The following PLEKHA5 variants were observed in gnomAD, a reference collection of about 807,000 sequenced individuals.
The protein encoded by PLEKHA5 is pleckstrin homology domain-containing family A member 5.
Under a neutral mutation model 181.9 loss-of-function variants are expected in PLEKHA5, and 55 were observed. The ratio of observed to expected loss-of-function variants is 0.30; its 90% CI spans 0.24 to 0.38. The LOEUF is 0.38. PLEKHA5 is among the 10% of genes least tolerant of loss of function. The pLI, the probability that PLEKHA5 is intolerant of heterozygous loss-of-function variation, is 1.00. For synonymous variants in PLEKHA5, 535 were observed against 529.4 expected, an observed-to-expected ratio of 1.01 and a Z score of -0.15; for missense variants, 1,432 against 1,549.5, an observed-to-expected ratio of 0.92 and a Z score of 1.27.
intron 3 of PLEKHA5, among the ~76,000 whole-genome samples, chr12:19,230,632 A>G (rs546176437): frequency 2.0e-5 from 3 of 152,282 alleles, no homozygotes; most frequent in South Asian, 2.1e-4. Context: ...GGGGCCAGCA[A>G]TGCCGGCCGG....
chr12:19,229,645 A>G (rs12303352), intron 3 of PLEKHA5, among the ~76,000 whole-genome samples: 7,652 of 152,238 alleles, frequency 0.05, 369 homozygotes, highest in East Asian at 0.2. Flanking sequence ...GCAGCAAGAT[A>G]TATCGCAAAG....
At chr12:19,231,988 A>G (rs1033099624) in intron 3 of PLEKHA5, among the ~76,000 whole-genome samples, 9 of 152,106 alleles carry the variant, frequency 5.9e-5, no homozygotes, top group African/African-American at 2.2e-4. Flanking sequence ...ATATAACCAC[A>G]CATTTCTCCT....
At chr12:19,199,933 T>TA (rs141830311) in intron 3 of PLEKHA5, among the ~76,000 whole-genome samples, 3 of 151,772 alleles carry the variant, frequency 2.0e-5, no homozygotes, top group Admixed American at 2.0e-4. Context: ...AAGTGGAAGC[T>TA]AAAAAAATGA....
chr12:19,262,982 C>T (rs981283301), intron 7 of PLEKHA5, among the ~76,000 whole-genome samples: 53 of 152,152 alleles, frequency 3.5e-4, no homozygotes, highest in African/African-American at 1.1e-3. Context: ...TAGTAGTTTC[C>T]CAGATGGGGA....
At chr12:19,331,180 G>C (rs1400258829) in intron 20 of PLEKHA5, among the ~76,000 whole-genome samples, 1 of 151,966 alleles carries the variant, frequency 6.6e-6, no homozygotes. Context: ...ATATTTACTT[G>C]ATTATTTTAA....
chr12:19,353,060 T>G (rs1352377392), intron 25 of PLEKHA5, among the ~76,000 whole-genome samples: 3 of 151,974 alleles, frequency 2.0e-5, no homozygotes, highest in Non-Finnish European at 4.4e-5. Context: ...AGTGCTAGGA[T>G]TACAGGCATG....
At chr12:19,316,436 G>A (rs187828045) in intron 16 of PLEKHA5, among the ~76,000 whole-genome samples, 239 of 151,746 alleles carry the variant, frequency 1.6e-3, no homozygotes, top group Middle Eastern at 3.4e-3. Flanking sequence ...CTGAGGGGGG[G>A]GAAAGTGAAG....
chr12:19,254,134 G>A, intron 4 of PLEKHA5, 111 bp downstream of exon 4: 1 of 699,580 alleles, frequency 1.4e-6, no homozygotes, highest in Non-Finnish European at 2.5e-6. Flanking sequence ...TTGTAGTCAA[G>A]TATAATAACA....
At chr12:19,349,617 GA>G (rs2094494327) in intron 25 of PLEKHA5, among the ~76,000 whole-genome samples, 1 of 151,754 alleles carries the variant, frequency 6.6e-6, no homozygotes, top group Admixed American at 6.6e-5. Flanking sequence ...AGATTAAAAA[GA>G]TAGATAGGCC....
rs76237311 is a variant in PLEKHA5 at position 19,272,620 on chromosome 12, C to T, written c.846-1896C>T. On this transcript the variant is annotated intron_variant, in intron 10 of 31. Transcript: ENST00000429027. The stretch of plus-strand genomic sequence containing the variant: ...GGTGTGGTGGCGTGTACCTATAGTC[C>T]CGGCTGCTCGGGAGGCTGAGAGGGA... Among the ~76,000 whole-genome samples, 71 of 151,934 alleles carry T rather than the reference C, an allele frequency of 4.7e-4. No individual in the cohort carries two copies. The East Asian group carries it at 0.013, about 27-fold the overall frequency.
intron 15 of PLEKHA5, among the ~76,000 whole-genome samples, chr12:19,308,585 GT>G (rs1450351510): frequency 6.6e-6 from 1 of 152,064 alleles, no homozygotes; most frequent in Non-Finnish European, 1.5e-5. Context: ...TACTTACAGA[GT>G]TTTATTCATT....
intron 3 of PLEKHA5, among the ~76,000 whole-genome samples, chr12:19,184,170 C>T (rs2049272031): frequency 6.6e-6 from 1 of 152,044 alleles, no homozygotes; most frequent in Admixed American, 6.6e-5. Context: ...CGGGGAATGG[C>T]TATGAAAAAG....
Position 19,130,085 on chromosome 12 carries a change from G to A in PLEKHA5, c.124G>A (p.Val42Ile), listed in dbSNP as rs757940849. 2 of 1,590,458 alleles carry A rather than the reference G, an allele frequency of 1.3e-6. No individual in the cohort carries two copies. The highest frequency in any genetic ancestry group is 1.7e-5 in the Admixed American group (1 of 57,654). The part of the protein sequence containing the change: ...EAKSTTWLHP[V>I]TGEAVVTGHR... Reference sequence around the variant, plus strand: ...CAAGAGCACCACCTGGCTGCACCCCGTCACCGGCGAGGCGGTGGTCACCGG... The same window carrying A: ...CAAGAGCACCACCTGGCTGCACCCCATCACCGGCGAGGCGGTGGTCACCGG... Residue 42 changes from valine to isoleucine, a missense_variant, in exon 2 of 32, where the codon GTC becomes ATC. Around this residue, in one of 2 missense-constraint regions of PLEKHA5, gnomAD observed 289 missense variants for 381.1 expected, o/e 0.76. Coordinates refer to ENST00000429027, the MANE Select transcript of PLEKHA5 (RefSeq NM_001256470.2). This position sits in a 1 kb window ranked among gnomAD's most constrained non-coding sequence, Gnocchi z 4.5.
At chr12:19,340,434 C>CT (rs1555167432) in intron 21 of PLEKHA5, among the ~76,000 whole-genome samples, 2 of 125,262 alleles carry the variant, frequency 1.6e-5, no homozygotes, top group Non-Finnish European at 3.7e-5. Context: ...GCCCGGCCAC[C>CT]ACCCCGTCTG....
At chr12:19,172,974 T>C in intron 3 of PLEKHA5, among the ~76,000 whole-genome samples, 1 of 146,276 alleles carries the variant, frequency 6.8e-6, no homozygotes, top group Non-Finnish European at 1.5e-5. Flanking sequence ...GTTTTTTTTT[T>C]TTTAAAGAAA....
chr12:19,208,584 C>T (rs116383570), intron 3 of PLEKHA5, among the ~76,000 whole-genome samples: 31 of 152,232 alleles, frequency 2.0e-4, no homozygotes, highest in African/African-American at 7.5e-4. Context: ...ATTTGGTTTC[C>T]AGCTAAGCTC....
chr12:19,211,350 T>C (rs964987781), intron 3 of PLEKHA5, among the ~76,000 whole-genome samples: 1 of 152,088 alleles, frequency 6.6e-6, no homozygotes, highest in Non-Finnish European at 1.5e-5. Flanking sequence ...TTTTCCTTGA[T>C]CTTGGTGGGG....
intron 10 of PLEKHA5, among the ~76,000 whole-genome samples, chr12:19,272,690 T>C (rs1317337100): frequency 6.6e-6 from 1 of 152,110 alleles, no homozygotes; most frequent in East Asian, 1.9e-4. Flanking sequence ...AGAGCCAAGA[T>C]CACGTCACTG....
intron 20 of PLEKHA5, among the ~76,000 whole-genome samples, chr12:19,334,870 C>G (rs3983604): frequency 1.1e-4 from 3 of 26,266 alleles, no homozygotes; most frequent in South Asian, 1.6e-3. Flanking sequence ...ATATATATAT[C>G]TCTGTATACG....
Sources: allele counts gnomAD v4.1 joint callset (sites outside exome capture counted in the v4.1 genomes callset), GRCh38; gene constraint gnomAD v4.1.1; regional missense constraint gnomAD v4.1.1; non-coding constraint Gnocchi (gnomAD v3.1); transcripts MANE v1.5; gene names NCBI Gene and HGNC (gene_info 2026-07-23, HGNC 2026-07-21).